Variants in MUC4 observed in about 807,000 individuals in gnomAD.
MUC4 encodes mucin-4.
A neutral mutation model predicts 257.9 loss-of-function variants in MUC4; 202 were observed. The ratio of observed to expected loss-of-function variants is 0.78; its 90% confidence interval spans 0.70 to 0.88. MUC4 has a LOEUF of 0.88. MUC4 is among the 40% of genes least tolerant of loss of function. MUC4 has a pLI of 0.00. For missense variants in MUC4, 5,976 were observed against 6,513.7 expected (o/e 0.92, Z 2.84); for synonymous variants, 2,351 against 2,757.1 (o/e 0.85, Z 4.62).
rs199855139 is a variant in MUC4, at chr3:195,751,112, G to A, written c.15648C>T (p.Ile5216=). 245 of 1,606,648 alleles carry A rather than the reference G, an allele frequency of 1.5e-4. 1 individual carries two copies. Among genetic ancestry groups the A allele is most frequent in the Non-Finnish European group, 1.7e-4 (199 of 1,177,690 alleles). The change falls in exon 23 of 25, where the codon ATC becomes ATT. Residue 5216 remains isoleucine (I), a splice_region_variant and synonymous_variant. Coordinates refer to ENST00000463781, the MANE Select transcript of MUC4 (RefSeq NM_018406.7). ...AFLRNSQVER[I]DSAAPASGSP... ...TTCCCGAGGCCGGTGCTGCAGAATC[G>A]CTGTGTGGGAGGGCAACGGTGAGGG...
In MUC4 at chr3:195,786,334, TCAGTGACAAGAAGAGG is replaced by T. The variant is rs1731859412; in HGVS notation, c.5230_5245del (p.Pro1744ThrfsTer1255). 1 of 1,485,268 alleles carries T rather than the reference TCAGTGACAAGAAGAGG, an allele frequency of 6.7e-7. No homozygotes were observed. Among genetic ancestry groups the T allele is most frequent in the African/African-American group, 1.7e-5 (1 of 57,328 alleles). The allele number at this position is 1,485,268 out of a possible 1,614,324, so 92.0% of individuals were successfully genotyped here. A position where few individuals can be genotyped will look rare whatever the true frequency, so the allele number is the denominator to read the frequency against. Reference sequence around the variant, plus strand: ...CTGACCTGTGGATGCTGAGGAAGCGTCAGTGACAAGAAGAGGGCTGGCGTGACCTGTGGATGCTGAG... The same window carrying T: ...CTGACCTGTGGATGCTGAGGAAGCGTGCTGGCGTGACCTGTGGATGCTGAG... On this transcript the variant is annotated frameshift_variant, in exon 2 of 25. Transcript: ENST00000463781. LOFTEE classifies it high-confidence loss of function.
rs1560402606 is a variant in MUC4, at chr3:195,790,756, C to T, written c.824G>A (p.Gly275Glu). The T allele has an allele frequency of 6.2e-7, 1 of 1,613,936 alleles. No individual in the cohort carries two copies. The highest frequency in any genetic ancestry group is 8.5e-7 in the Non-Finnish European group (1 of 1,179,878). Residue 275 changes from glycine (G) to glutamate (E), a missense_variant, in exon 2 of 25, where the codon GGA becomes GAA. Physicochemically the swap from Gly to Glu is moderately conservative, Grantham distance 98. This residue lies in a region of MUC4 where 1,583 missense variants were observed against 1,257.4 expected (regional missense o/e 1.26). Transcript: ENST00000463781. ...TACTGATGATGTCTCCCCTGGGTTT[C>T]CAAGAGTGGAGCCTGTGGAGGTTGT... ...TVTTSTGSTL[G>E]NPGETSSVPV...
rs71180965 is a variant in MUC4 at position 195,791,241 on chromosome 3, T to TGTCTCCTGCGTAACA, written c.338_339insTGTTACGCAGGAGAC (p.Thr113_Ala114insValThrGlnGluThr). On this transcript the variant is annotated inframe_insertion, in exon 2 of 25. Transcript: ENST00000463781. Reference sequence around the variant, plus strand: ...ATGTGGTCATTTCATCTGGAGGAGCTGTCTCCATCACATTGTGTACACTTG... The same window carrying TGTCTCCTGCGTAACA: ...ATGTGGTCATTTCATCTGGAGGAGCTGTCTCCTGCGTAACAGTCTCCATCACATTGTGTACACTTG... The TGTCTCCTGCGTAACA allele has an allele frequency of 0.78, 1,263,030 of 1,613,106 alleles. 497,138 individuals carry two copies. The highest frequency in any genetic ancestry group is 0.81 in the Middle Eastern group (4,887 of 6,060).
At chr3:195,766,897 C>G in intron 7 of MUC4, 146 bp from the exon 8 acceptor site, 3 of 686,282 alleles carry the variant, frequency 4.4e-6, no homozygotes, top group Non-Finnish European at 7.8e-6. Flanking sequence ...CAGCCCCCAT[C>G]GTCAAGCCCC....
Position 195,763,509 on chromosome 3 carries a change from T to G in MUC4, c.14177A>C (p.Gln4726Pro). 6.4e-7 allele frequency: 1 copy of G among 1,556,300 alleles called. No homozygotes were observed. The highest frequency in any genetic ancestry group is 8.7e-7 in the Non-Finnish European group (1 of 1,148,840). ...GTTGGTGGCCTGGGCTGAGCCAGTC[T>G]GGGCGGTGCGGCCCTGAAGCAGGAA... ...SSFLLQGRTA[Q>P]TGSAQATNFI... The change falls in exon 12 of 25, where the codon CAG becomes CCG. Residue 4726 changes from glutamine to proline, a missense_variant. Physicochemically the swap from Gln to Pro is moderately conservative, Grantham distance 76. Around this residue, in one of 44 missense-constraint regions of MUC4, gnomAD observed 996 missense variants for 1,137.3 expected, o/e 0.88. Coordinates refer to ENST00000463781, the MANE Select transcript of MUC4 (RefSeq NM_018406.7).
intron 3 of MUC4, among the ~76,000 whole-genome samples, chr3:195,776,606 A>G (rs1399241222): frequency 7.0e-5 from 2 of 28,590 alleles, no homozygotes; most frequent in Admixed American, 2.3e-4. Flanking sequence ...CATACCTTCC[A>G]CACCCATACC....
At chr3:195,767,597 CCATCAT>C (rs1258585661) in intron 7 of MUC4, among the ~76,000 whole-genome samples, 7 of 104,602 alleles carry the variant, frequency 6.7e-5, no homozygotes, top group African/African-American at 1.7e-4. Context: ...ACCACCACCA[CCATCAT>C]CACCATTGCC....
In MUC4 at chr3:195,790,106, A is replaced by C; in HGVS notation, c.1474T>G (p.Phe492Val). 1.2e-6 allele frequency: 2 copies of C among 1,613,964 alleles called. No individual in the cohort carries two copies. The change falls in exon 2 of 25, where the codon TTC becomes GTC. Residue 492 changes from phenylalanine (F) to valine (V), a missense_variant. Coordinates refer to ENST00000463781, the MANE Select transcript of MUC4 (RefSeq NM_018406.7). Reference sequence around the variant, plus strand: ...CAAGTTGTGTGGCCTTTGCTGGAGAATGAGGAAGGCCATGTTGTTGTTTCA... The same window carrying C: ...CAAGTTGTGTGGCCTTTGCTGGAGACTGAGGAAGGCCATGTTGTTGTTTCA... ...LHETTTWPSS[F>V]SSKGHTTWSQ... is the part of the protein sequence containing the mutation.
At position 195,783,489 on chromosome 3, in the gene MUC4, T is replaced by G; in HGVS notation, c.8091A>C (p.Ala2697=). The G allele has an allele frequency of 1.0e-6, 1 of 956,738 alleles. No individual in the cohort carries two copies. Among genetic ancestry groups the G allele is most frequent in the Non-Finnish European group, 1.4e-6 (1 of 733,046 alleles). 59.3% of individuals were successfully genotyped at this position (956,738 alleles called of 1,614,324 possible). A position where few individuals can be genotyped will look rare whatever the true frequency, so the allele number is the denominator to read the frequency against. Residue 2697 remains alanine, a synonymous_variant, in exon 2 of 25, where the codon GCA becomes GCC. Transcript: ENST00000463781. ...GAAGAGAGGTGGTGTCACCTGTGGATGCTGAGGAAGTGTCGGTGACAGGAA... is the reference window on the plus strand; with the variant it reads ...GAAGAGAGGTGGTGTCACCTGTGGAGGCTGAGGAAGTGTCGGTGACAGGAA... ...TSLPVTDTSS[A]STGDTTSLPV...
chr3:195,772,594 C>T (rs1372857096), intron 4 of MUC4, among the ~76,000 whole-genome samples: 1 of 144,106 alleles, frequency 6.9e-6, no homozygotes, highest in Non-Finnish European at 1.5e-5. Flanking sequence ...CTCTCTCCAT[C>T]GCTCAGGGGT....
rs957451601 is a variant in MUC4, at chr3:195,769,439, T to G, written c.13399-287A>C. On this transcript the variant is annotated intron_variant, in intron 6 of 24. Coordinates refer to ENST00000463781, the MANE Select transcript of MUC4 (RefSeq NM_018406.7). ...GTTACAATTCAGTTAGATGAGTGTT[T>G]GTTAGAGAAAGCTACCAGAACCTGA... is the stretch of plus-strand genomic sequence containing the variant. 1.8e-5 allele frequency: 7 copies of G among 384,924 alleles called. No homozygotes were observed. The Admixed American group carries it at 2.7e-4, about 15-fold the overall frequency. 23.8% of individuals were successfully genotyped at this position (384,924 alleles called of 1,614,324 possible). A position where few individuals can be genotyped will look rare whatever the true frequency, so the allele number is the denominator to read the frequency against.
At chr3:195,749,102 G>A (rs774574774) in intron 23 of MUC4, 38 bp from the exon 24 acceptor site, 19 of 1,600,846 alleles carry the variant, frequency 1.2e-5, no homozygotes, top group Middle Eastern at 1.6e-4. Context: ...GAAAGCAACC[G>A]ATGAACACTA....
At chr3:195,795,775 G>A (rs1488463719) in intron 1 of MUC4, among the ~76,000 whole-genome samples, 1 of 142,068 alleles carries the variant, frequency 7.0e-6, no homozygotes, top group Non-Finnish European at 1.5e-5. Flanking sequence ...AATTAAAAAT[G>A]GAATAAATGA....
In MUC4 at chr3:195,780,463, G is replaced by A. The variant is rs1329985103; in HGVS notation, c.11117C>T (p.Ser3706Phe). 4.6e-6 allele frequency: 7 copies of A among 1,525,484 alleles called. No homozygotes were observed. Among genetic ancestry groups the A allele is most frequent in the East Asian group, 2.5e-5 (1 of 40,550 alleles). The allele number at this position is 1,525,484 out of a possible 1,614,324, so 94.5% of individuals were successfully genotyped here. The change falls in exon 2 of 25, where the codon TCC becomes TTC. Residue 3706 changes from serine (S) to phenylalanine (F), a missense_variant. By Grantham distance (155) the Ser-to-Phe change is radical. Transcript: ENST00000463781. ...PLPVTIPSSS[S>F]SGHTTPLPVT... Reference sequence around the variant, plus strand: ...AGGAAGAGGGGTGGTGTGACCTGAGGATGATGAGGAAGGGATGGTGACAGG... The same window carrying A: ...AGGAAGAGGGGTGGTGTGACCTGAGAATGATGAGGAAGGGATGGTGACAGG...
rs1246981112 is a variant in MUC4, at chr3:195,780,157, G to A, written c.11423C>T (p.Pro3808Leu). Residue 3808 changes from proline (P) to leucine (L), a missense_variant, in exon 2 of 25, where the codon CCT becomes CTT. Coordinates refer to ENST00000463781, the MANE Select transcript of MUC4 (RefSeq NM_018406.7). ...TGAGGAAAGGCTGGTGACAGGAAGA[G>A]GGGTGGCCTGACCTGTGGATGCTGA... ...TSSASTGQAT[P>L]LPVTSLSSVS... 4.0e-6 allele frequency: 6 copies of A among 1,482,954 alleles called. No individual in the cohort carries two copies. The highest frequency in any genetic ancestry group is 2.0e-5 in the Admixed American group (1 of 49,058). 91.9% of individuals were successfully genotyped at this position (1,482,954 alleles called of 1,614,324 possible).
In MUC4 at chr3:195,762,140, T is replaced by A. The variant is rs1470543030; in HGVS notation, c.14459A>T (p.His4820Leu). 10 of 1,603,954 alleles carry A rather than the reference T, an allele frequency of 6.2e-6. No individual in the cohort carries two copies. The highest frequency in any genetic ancestry group is 1.7e-4 in the Middle Eastern group (1 of 6,014). The change falls in exon 14 of 25, where the codon CAC (histidine) becomes CTC (leucine). Residue 4820 changes from histidine (H) to leucine (L), a missense_variant. Physicochemically the swap from His to Leu is moderately conservative, Grantham distance 99. Around this residue, in one of 44 missense-constraint regions of MUC4, gnomAD observed 996 missense variants for 1,137.3 expected, o/e 0.88. Coordinates refer to ENST00000463781, the MANE Select transcript of MUC4 (RefSeq NM_018406.7). ...VSVIALSNIL[H>L]ASASLPPEYQ... is the part of the protein sequence containing the mutation. ...CTCGGGCGGGAGGCTGGCGGAGGCGTGGAGGATGTTGGAGAGCGCGATCAC... is the reference window on the plus strand; with the variant it reads ...CTCGGGCGGGAGGCTGGCGGAGGCGAGGAGGATGTTGGAGAGCGCGATCAC...
At chr3:195,760,544 G>GC (rs1560239050) in intron 16 of MUC4, among the ~76,000 whole-genome samples, 8 of 112,718 alleles carry the variant, frequency 7.1e-5, no homozygotes, top group East Asian at 2.2e-4. Flanking sequence ...GGCTGGGAAG[G>GC]GGTCCAGCGC....
In MUC4 at chr3:195,788,948, C is replaced by T. The variant is rs544955554; in HGVS notation, c.2632G>A (p.Glu878Lys). The T allele has an allele frequency of 1.2e-6, 2 of 1,613,498 alleles. No homozygotes were observed. The highest frequency in any genetic ancestry group is 1.7e-6 in the Non-Finnish European group (2 of 1,179,688). The part of the protein sequence containing the change: ...VPGTFHPTLS[E>K]ASTAGRPTGQ... Reference sequence around the variant, plus strand: ...GTCGGTCTCCCTGCAGTGGAGGCCTCAGAGAGGGTGGGATGAAAGGTGCCG... The same window carrying T: ...GTCGGTCTCCCTGCAGTGGAGGCCTTAGAGAGGGTGGGATGAAAGGTGCCG... The change falls in exon 2 of 25, where the codon GAG (glutamate) becomes AAG (lysine). Residue 878 changes from glutamate (E) to lysine (K), a missense_variant. Around this residue, in one of 44 missense-constraint regions of MUC4, gnomAD observed 1,583 missense variants for 1,257.4 expected, o/e 1.26. Coordinates refer to ENST00000463781, the MANE Select transcript of MUC4 (RefSeq NM_018406.7).
chr3:195,805,513 C>G (rs1274400446), intron 1 of MUC4, among the ~76,000 whole-genome samples: 1 of 152,218 alleles, frequency 6.6e-6, no homozygotes, highest in Non-Finnish European at 1.5e-5. Flanking sequence ...GCGCTGTCCT[C>G]AGGAGCCTGG....
Sources: gnomAD v4.1 joint callset for allele counts (sites outside exome capture counted in the v4.1 genomes callset) on GRCh38, gnomAD v4.1.1 for gene constraint, gnomAD v4.1.1 regional missense constraint, MANE v1.5 for transcripts, NCBI Gene and HGNC (gene_info 2026-07-23, HGNC 2026-07-21) for gene names.